The following SLC39A11 variants were observed in gnomAD, a reference collection of about 807,000 sequenced individuals.
SLC39A11 encodes solute carrier family 39 member 11.
Under a neutral mutation model 36.1 loss-of-function variants are expected in SLC39A11, and 33 were observed. The ratio of observed to expected loss-of-function variants is 0.91; its 90% CI spans 0.69 to 1.22. The LOEUF (loss-of-function observed/expected upper bound fraction) is 1.22, where lower values mean the gene tolerates loss of function less well. SLC39A11 is among the 50% of genes most tolerant of loss of function. The pLI is 0.00. For synonymous variants in SLC39A11, 166 were observed against 170.3 expected (o/e 0.97, Z 0.20); for missense variants, 432 against 430.3 (o/e 1.00, Z -0.03).
rs151245839 is a variant in SLC39A11 at position 72,901,527 on chromosome 17, C to A, written c.430+46225G>T. Among the ~76,000 whole-genome samples, 81 of 152,256 alleles carry A rather than the reference C, an allele frequency of 5.3e-4. 2 individuals carry two copies. In the East Asian group the frequency reaches 0.015, roughly 29 times the overall value. On this transcript the variant is annotated intron_variant, in intron 5 of 9. Transcript: ENST00000255559. ...CACCTGGATGGGCCGGGAAGGCAGA[C>A]CACAGGAGAGAGGCTCGGGTTTGGA...
chr17:72,801,670 T>C (rs1245926777), intron 6 of SLC39A11, among the ~76,000 whole-genome samples: 1 of 152,256 alleles, frequency 6.6e-6, no homozygotes, highest in African/African-American at 2.4e-5. Context: ...ATTTACTATG[T>C]ATATTGTCTT....
intron 4 of SLC39A11, among the ~76,000 whole-genome samples, chr17:72,953,300 G>A (rs926647517): frequency 1.3e-5 from 2 of 152,064 alleles, no homozygotes; most frequent in African/African-American, 4.8e-5. Flanking sequence ...GGCAGGAGCT[G>A]AAGAAGAAGA....
chr17:73,029,086 C>A (rs2058657703), intron 4 of SLC39A11, among the ~76,000 whole-genome samples: 1 of 149,688 alleles, frequency 6.7e-6, no homozygotes, highest in Non-Finnish European at 1.5e-5. Context: ...CCATTGCACT[C>A]CAGCCTGGGT....
chr17:72,665,390 T>G (rs1000147572), intron 7 of SLC39A11, among the ~76,000 whole-genome samples: 1 of 49,176 alleles, frequency 2.0e-5, no homozygotes, highest in East Asian at 3.6e-4. Flanking sequence ...TTTTGAGGTG[T>G]TTTTTTTTTT....
intron 4 of SLC39A11, among the ~76,000 whole-genome samples, chr17:72,960,155 AG>A (rs990168843): frequency 6.6e-6 from 1 of 152,226 alleles, no homozygotes; most frequent in African/African-American, 2.4e-5. Flanking sequence ...CAGAATACTC[AG>A]CAAAATATTT....
intron 5 of SLC39A11, among the ~76,000 whole-genome samples, chr17:72,851,138 G>T (rs115691194): frequency 0.011 from 1,720 of 152,246 alleles, 29 homozygotes; most frequent in African/African-American, 0.038. Context: ...ACGTGCCACA[G>T]ACATTCATGG....
At chr17:72,873,019 A>G (rs1297931675) in intron 5 of SLC39A11, among the ~76,000 whole-genome samples, 1 of 147,538 alleles carries the variant, frequency 6.8e-6, no homozygotes, top group African/African-American at 2.5e-5. Context: ...GCGCCACTGC[A>G]CTCTAGCCTG....
chr17:72,950,885 A>T (rs1057499940), intron 4 of SLC39A11, among the ~76,000 whole-genome samples: 1 of 152,104 alleles, frequency 6.6e-6, no homozygotes, highest in Non-Finnish European at 1.5e-5. Context: ...TGGGGGGCTG[A>T]GCATGCTGCT....
chr17:72,906,150 A>G (rs2082647654), intron 5 of SLC39A11, among the ~76,000 whole-genome samples: 2 of 152,238 alleles, frequency 1.3e-5, no homozygotes, highest in East Asian at 3.8e-4. Flanking sequence ...AACACCTCAA[A>G]AGTTCCTACA....
chr17:72,775,632 CT>C (rs1182015215), intron 6 of SLC39A11, among the ~76,000 whole-genome samples: 1 of 152,162 alleles, frequency 6.6e-6, no homozygotes, highest in Non-Finnish European at 1.5e-5. Flanking sequence ...GAAAGCCAGG[CT>C]ACAAGGCACT....
At chr17:72,742,422 C>A (rs2074753306) in intron 6 of SLC39A11, among the ~76,000 whole-genome samples, 1 of 152,104 alleles carries the variant, frequency 6.6e-6, no homozygotes, top group Non-Finnish European at 1.5e-5. Flanking sequence ...CAGTGTCCTG[C>A]CTTTGAGGAG....
At chr17:72,994,117 A>C (rs957636013) in intron 4 of SLC39A11, among the ~76,000 whole-genome samples, 7 of 152,160 alleles carry the variant, frequency 4.6e-5, no homozygotes, top group African/African-American at 1.7e-4. Flanking sequence ...ACTTTTCTTC[A>C]TAAAAATCCT....
At chr17:72,896,537 T>C (rs2082039956) in intron 5 of SLC39A11, among the ~76,000 whole-genome samples, 2 of 152,128 alleles carry the variant, frequency 1.3e-5, no homozygotes, top group South Asian at 2.1e-4. Context: ...AAACATTTGT[T>C]AGTGCTGTAC....
intron 4 of SLC39A11, among the ~76,000 whole-genome samples, chr17:72,991,818 T>G (rs1440751997): frequency 6.6e-6 from 1 of 152,244 alleles, no homozygotes; most frequent in Non-Finnish European, 1.5e-5. Flanking sequence ...GGGTTCCCTG[T>G]GTACATTCGC....
At chr17:72,997,203 A>T (rs1040093069) in intron 4 of SLC39A11, among the ~76,000 whole-genome samples, 1 of 152,062 alleles carries the variant, frequency 6.6e-6, no homozygotes, top group African/African-American at 2.4e-5. Flanking sequence ...ACTTTGTGCC[A>T]CAGCAACAAT....
chr17:72,896,192 CTTTTTTT>C (rs771180987), intron 5 of SLC39A11, among the ~76,000 whole-genome samples: 2 of 74,554 alleles, frequency 2.7e-5, no homozygotes, highest in Non-Finnish European at 4.7e-5. Context: ...CACATTAATC[CTTTTTTT>C]TTTTTTTTTT....
At chr17:72,960,780 C>T (rs1391087530) in intron 4 of SLC39A11, among the ~76,000 whole-genome samples, 2 of 151,872 alleles carry the variant, frequency 1.3e-5, no homozygotes, top group Admixed American at 6.6e-5. Flanking sequence ...CACTGTACTC[C>T]TGCCAAGCAA....
At chr17:72,904,786 C>T (rs748960832) in intron 5 of SLC39A11, among the ~76,000 whole-genome samples, 1 of 152,274 alleles carries the variant, frequency 6.6e-6, no homozygotes, top group African/African-American at 2.4e-5. Context: ...ATGTGGTCCC[C>T]GAAGGTGGGC....
intron 3 of SLC39A11, among the ~76,000 whole-genome samples, chr17:73,043,892 C>G (rs980744423): frequency 2.0e-5 from 3 of 152,156 alleles, no homozygotes; most frequent in Admixed American, 1.3e-4. Flanking sequence ...TGAATCAAAT[C>G]CATATGGGAG....
Sources: gnomAD v4.1 joint callset for allele counts (sites outside exome capture counted in the v4.1 genomes callset) on GRCh38, gnomAD v4.1.1 for gene constraint, MANE v1.5 for transcripts, NCBI Gene and HGNC (gene_info 2026-07-23, HGNC 2026-07-21) for gene names.